RPS11: variants seen among roughly 807,000 people sequenced by gnomAD.
RPS11 encodes ribosomal protein S11.
For missense variants in RPS11, 127 were observed against 211.4 expected (o/e 0.60, Z 2.48); for synonymous variants, 107 against 78.0 (o/e 1.37, Z -1.96).
In RPS11 at chr19:49,499,461, G is replaced by A. The variant is rs2122641301; in HGVS notation, c.354-51G>A. ...GTGAAGGGGAGGGAGGGCCTCCTGG[G>A]GTCTGCTGGGGTGGCCCCTCCTGAG... On this transcript the variant is annotated intron_variant, in intron 4 of 4. Coordinates refer to ENST00000270625, the MANE Select transcript of RPS11 (RefSeq NM_001015.5). The A allele has an allele frequency of 1.9e-6, 3 of 1,584,188 alleles. No individual in the cohort carries two copies. In the East Asian group the frequency reaches 6.8e-5, roughly 36 times the overall value.
chr19:49,497,491 T>C, intron 2 of RPS11, 29 bp from the exon 3 acceptor site: 1 of 1,610,518 alleles, frequency 6.2e-7, no homozygotes, highest in Non-Finnish European at 8.5e-7. Context: ...CGCCCAAGGC[T>C]CACTCCTTTA....
chr19:49,497,480 C>T (rs1382013603), intron 2 of RPS11, 40 bp from the exon 3 acceptor site: 2 of 1,607,406 alleles, frequency 1.2e-6, no homozygotes, highest in African/African-American at 1.3e-5. Flanking sequence ...AAGGAACCGC[C>T]CGCCCAAGGC....
chr19:49,496,582 G>A (rs2079907437), intron 1 of RPS11, 111 bp downstream of exon 1: 1 of 1,189,160 alleles, frequency 8.4e-7, no homozygotes, highest in Non-Finnish European at 1.2e-6. Flanking sequence ...CCGGGCGTCC[G>A]TGATTATTTT....
In RPS11 at chr19:49,499,649, C is replaced by T. The variant is rs1295776832; in HGVS notation, c.*14C>T. ...CAGAAGTTCTGAGGCTGGACATCGG[C>T]CCGCTCCCCACAATGAAATAAAGTT... is the stretch of plus-strand genomic sequence containing the variant. On this transcript the variant is annotated 3_prime_UTR_variant, in exon 5 of 5. Transcript: ENST00000270625. 6.2e-7 allele frequency: 1 copy of T among 1,612,358 alleles called. No homozygotes were observed. Among genetic ancestry groups the T allele is most frequent in the Non-Finnish European group, 8.5e-7 (1 of 1,179,294 alleles).
In RPS11 at chr19:49,497,244, G is replaced by T; in HGVS notation, c.66G>T (p.Arg22Ser). Residue 22 changes from arginine (R) to serine (S), a missense_variant, in exon 2 of 5, where the codon AGG (arginine) becomes AGT (serine). Transcript: ENST00000270625. ...CGACCATCTTTCAAAACAAGAAGAGGGTCCTGCTGGGAGAAACTGGCAAGG... is the reference window on the plus strand; with the variant it reads ...CGACCATCTTTCAAAACAAGAAGAGTGTCCTGCTGGGAGAAACTGGCAAGG... ...KQPTIFQNKK[R>S]VLLGETGKEK... is the part of the protein sequence containing the mutation. 6.2e-7 allele frequency: 1 copy of T among 1,614,042 alleles called. No homozygotes were observed. The highest frequency in any genetic ancestry group is 8.5e-7 in the Non-Finnish European group (1 of 1,180,018).
intron 3 of RPS11, 53 bp from the exon 4 acceptor site, chr19:49,497,864 C>T (rs1020822879): frequency 1.9e-6 from 3 of 1,612,930 alleles, no homozygotes; most frequent in African/African-American, 1.3e-5. Context: ...CCCTGGGTTA[C>T]CTATGGCCCT....
chr19:49,496,739 TC>T, intron 1 of RPS11, among the ~76,000 whole-genome samples: 1 of 152,150 alleles, frequency 6.6e-6, no homozygotes, highest in South Asian at 2.1e-4. Flanking sequence ...TTTTTGGAGT[TC>T]TCCGGTCTTC....
chr19:49,499,634 G>A lies in RPS11; in HGVS notation c.476G>A (p.Ter159=), dbSNP rs2079924625. The change falls in exon 5 of 5, where the codon TGA becomes TAA. Residue 159 remains the stop codon, a stop_retained_variant. Transcript: ENST00000270625. The part of the protein sequence containing the change: ...AGTKKQFQKF[*] Reference sequence around the variant, plus strand: ...ACCAAGAAGCAGTTCCAGAAGTTCTGAGGCTGGACATCGGCCCGCTCCCCA... The same window carrying A: ...ACCAAGAAGCAGTTCCAGAAGTTCTAAGGCTGGACATCGGCCCGCTCCCCA... 1 of 1,613,288 alleles carries A rather than the reference G, an allele frequency of 6.2e-7. No homozygotes were observed.
chr19:49,497,666 G>T, intron 3 of RPS11, 71 bp downstream of exon 3: 1 of 1,430,418 alleles, frequency 7.0e-7, no homozygotes, highest in South Asian at 1.1e-5. Flanking sequence ...CAGACTCCTG[G>T]GTCCTGGGTG....
chr19:49,498,083 C>T (rs1186863922), intron 4 of RPS11, 37 bp downstream of exon 4: 3 of 1,609,952 alleles, frequency 1.9e-6, no homozygotes, highest in South Asian at 2.2e-5. Flanking sequence ...TCAGGCCACG[C>T]TCTCTCAGCC....
At chr19:49,497,828 C>A in intron 3 of RPS11, 89 bp from the exon 4 acceptor site, 1 of 1,572,768 alleles carries the variant, frequency 6.4e-7, no homozygotes, top group Non-Finnish European at 8.7e-7. Context: ...GGGATCCCTG[C>A]TCAGCTGCTT....
chr19:49,496,500 G>T (rs1400637257), intron 1 of RPS11, 29 bp downstream of exon 1: 4 of 1,604,654 alleles, frequency 2.5e-6, no homozygotes, highest in Non-Finnish European at 3.4e-6. Context: ...ATGCCAGGGT[G>T]CGGGGTCCGC....
Position 49,496,450 on chromosome 19 carries a change from C to T in RPS11, c.-7C>T. On this transcript the variant is annotated 5_prime_UTR_variant, in exon 1 of 5. Coordinates refer to ENST00000270625, the MANE Select transcript of RPS11 (RefSeq NM_001015.5). ...TGCCCCTTTCTTTTTTTCAGGCGGCCGGGAAGATGGCGGACATTCAGGTGC... is the reference window on the plus strand; with the variant it reads ...TGCCCCTTTCTTTTTTTCAGGCGGCTGGGAAGATGGCGGACATTCAGGTGC... 6.2e-7 allele frequency: 1 copy of T among 1,611,968 alleles called. No individual in the cohort carries two copies. The highest frequency in any genetic ancestry group is 1.1e-5 in the South Asian group (1 of 91,004).
chr19:49,497,103 G>T, intron 1 of RPS11, 91 bp from the exon 2 acceptor site: 6 of 1,467,086 alleles, frequency 4.1e-6, no homozygotes, highest in Non-Finnish European at 5.6e-6. Context: ...GTAGAGCATG[G>T]GGTCTGGGAG....
chr19:49,497,780 G>A, intron 3 of RPS11, 137 bp from the exon 4 acceptor site: 1 of 1,326,176 alleles, frequency 7.5e-7, no homozygotes, highest in Non-Finnish European at 1.1e-6. Context: ...TGCTGAGAAA[G>A]CCACTTGGTA....
rs144078733 is a variant in RPS11, at chr19:49,498,079, CA to C, written c.353+34del. On this transcript the variant is annotated intron_variant, in intron 4 of 4. Coordinates refer to ENST00000270625, the MANE Select transcript of RPS11 (RefSeq NM_001015.5). Reference sequence around the variant, plus strand: ...CAGTGGCCCATCAGGTTGCTCAGGCCACGCTCTCTCAGCCTTCAGATTCCAG... The same window carrying C: ...CAGTGGCCCATCAGGTTGCTCAGGCCCGCTCTCTCAGCCTTCAGATTCCAG... The C allele has an allele frequency of 4.5e-4, 724 of 1,610,842 alleles. 7 individuals are homozygous for C. In the African/African-American group the frequency reaches 8.8e-3, roughly 20 times the overall value.
At chr19:49,499,472 G>A in intron 4 of RPS11, 40 bp from the exon 5 acceptor site, 2 of 1,594,954 alleles carry the variant, frequency 1.3e-6, no homozygotes, top group Non-Finnish European at 1.7e-6. Flanking sequence ...GTCTGCTGGG[G>A]TGGCCCCTCC....
chr19:49,497,762 G>A (rs555676598), intron 3 of RPS11, 155 bp from the exon 4 acceptor site: 1 of 1,185,616 alleles, frequency 8.4e-7, no homozygotes, highest in Non-Finnish European at 1.3e-6. Flanking sequence ...AGATGCCCAC[G>A]TGGGCACTGC....
intron 2 of RPS11, 27 bp from the exon 3 acceptor site, chr19:49,497,493 A>C (rs370361746): frequency 5.4e-5 from 87 of 1,610,406 alleles, no homozygotes; most frequent in Admixed American, 6.7e-5. Context: ...CCCAAGGCTC[A>C]CTCCTTTATC....
Sources: gnomAD v4.1 joint callset for allele counts (sites outside exome capture counted in the v4.1 genomes callset) on GRCh38, gnomAD v4.1.1 for gene constraint, MANE v1.5 for transcripts, NCBI Gene and HGNC (gene_info 2026-07-23, HGNC 2026-07-21) for gene names.